Variants in CHCHD6 observed in about 807,000 individuals in gnomAD.
CHCHD6 encodes coiled-coil-helix-coiled-coil-helix domain containing 6, also known as MICOS complex subunit MIC25.
In CHCHD6, 28 loss-of-function variants were observed where a neutral mutation model predicts 32.3. The ratio of observed to expected loss-of-function variants is 0.87; its 90% CI spans 0.64 to 1.19. CHCHD6 has a LOEUF of 1.19. CHCHD6 is among the 50% of genes most tolerant of loss of function. CHCHD6 has a pLI of 0.00. For missense variants in CHCHD6, 333 were observed against 307.0 expected, an observed-to-expected ratio of 1.08 and a Z score of -0.63; for synonymous variants, 122 against 117.5, an observed-to-expected ratio of 1.04 and a Z score of -0.25.
intron 1 of CHCHD6, among the ~76,000 whole-genome samples, chr3:126,715,108 C>T (rs1291246550): frequency 6.6e-6 from 1 of 152,156 alleles, no homozygotes; most frequent in Non-Finnish European, 1.5e-5. Flanking sequence ...CTCCATAAAG[C>T]AGTCGGTGGA....
intron 2 of CHCHD6, 79 bp from the exon 3 acceptor site, chr3:126,730,482 A>C: frequency 8.4e-7 from 1 of 1,196,986 alleles, no homozygotes; most frequent in Non-Finnish European, 1.2e-6. Context: ...CATGGGGGTC[A>C]TTCCTCTCTG....
intron 5 of CHCHD6, among the ~76,000 whole-genome samples, chr3:126,887,539 T>C (rs2077695253): frequency 6.6e-6 from 1 of 152,132 alleles, no homozygotes; most frequent in South Asian, 2.1e-4. Context: ...AGCCCTGTAT[T>C]ATGGCCCAAG....
chr3:126,873,680 C>A (rs2077505698), intron 5 of CHCHD6, among the ~76,000 whole-genome samples: 1 of 152,226 alleles, frequency 6.6e-6, no homozygotes, highest in South Asian at 2.1e-4. Flanking sequence ...GATGGCTTCT[C>A]CCAGAGGTCT....
chr3:126,862,087 T>C (rs1576511371), intron 5 of CHCHD6, among the ~76,000 whole-genome samples: 1 of 48,268 alleles, frequency 2.1e-5, no homozygotes, highest in Non-Finnish European at 3.7e-5. Flanking sequence ...CACCTCCTCC[T>C]CCTCCACCAT....
intron 4 of CHCHD6, among the ~76,000 whole-genome samples, chr3:126,832,439 C>A (rs1940683997): frequency 6.6e-6 from 1 of 152,128 alleles, no homozygotes; most frequent in Non-Finnish European, 1.5e-5. Context: ...TCCATAACAT[C>A]CCACTCAGTG....
chr3:126,921,523 G>A (rs1191776040), intron 6 of CHCHD6, among the ~76,000 whole-genome samples: 5 of 152,140 alleles, frequency 3.3e-5, no homozygotes, highest in Non-Finnish European at 4.4e-5. Flanking sequence ...TGCTTCCCGT[G>A]GGATTCATTC....
At chr3:126,770,337 A>C (rs1278331071) in intron 4 of CHCHD6, among the ~76,000 whole-genome samples, 1 of 152,108 alleles carries the variant, frequency 6.6e-6, no homozygotes, top group Non-Finnish European at 1.5e-5. Context: ...CTTTTGTCTG[A>C]TTGCTCTGGC....
chr3:126,857,886 C>T (rs753764978), intron 5 of CHCHD6, among the ~76,000 whole-genome samples: 1 of 152,190 alleles, frequency 6.6e-6, no homozygotes, highest in Non-Finnish European at 1.5e-5. Context: ...TGTGGAAGAT[C>T]GATAGCCAGC....
At chr3:126,849,927 T>C (rs1336430362) in intron 4 of CHCHD6, among the ~76,000 whole-genome samples, 1 of 152,190 alleles carries the variant, frequency 6.6e-6, no homozygotes, top group South Asian at 2.1e-4. Flanking sequence ...CTCTCATGAG[T>C]GCTAGGAAGC....
intron 1 of CHCHD6, among the ~76,000 whole-genome samples, chr3:126,709,080 CTG>C (rs1934634870): frequency 6.6e-6 from 1 of 152,180 alleles, no homozygotes; most frequent in South Asian, 2.1e-4. Flanking sequence ...TACCCAAACA[CTG>C]TAAATTTTGT....
intron 4 of CHCHD6, among the ~76,000 whole-genome samples, chr3:126,850,509 G>A (rs551873894): frequency 7.2e-5 from 11 of 152,316 alleles, no homozygotes; most frequent in African/African-American, 2.6e-4. Context: ...AAAGCTTCAG[G>A]ATGAGCATCC....
chr3:126,765,842 A>G (rs899760541), intron 4 of CHCHD6, among the ~76,000 whole-genome samples: 1 of 152,214 alleles, frequency 6.6e-6, no homozygotes, highest in Non-Finnish European at 1.5e-5. Context: ...ATCCCCCTCC[A>G]GGGGGACACT....
At chr3:126,865,158 ACCT>A (rs1942242131) in intron 5 of CHCHD6, among the ~76,000 whole-genome samples, 1 of 75,134 alleles carries the variant, frequency 1.3e-5, no homozygotes. Flanking sequence ...CTTTTCCACC[ACCT>A]CCACTTCTTC....
At chr3:126,789,830 G>A (rs189505983) in intron 4 of CHCHD6, among the ~76,000 whole-genome samples, 23 of 151,928 alleles carry the variant, frequency 1.5e-4, no homozygotes, top group African/African-American at 2.7e-4. Context: ...TTACATTTAA[G>A]GTTAATATTG....
Position 126,773,637 on chromosome 3 carries a change from G to A in CHCHD6, c.411+40415G>A, listed in dbSNP as rs114549553. On this transcript the variant is annotated intron_variant, in intron 4 of 7. Coordinates refer to ENST00000290913, the MANE Select transcript of CHCHD6 (RefSeq NM_032343.3). Reference sequence around the variant, plus strand: ...TTTTTTTTTTTTTTTGAGACAGAGCGTCAGAGTCGCCTAGGCGAAGTGCAG... The same window carrying A: ...TTTTTTTTTTTTTTTGAGACAGAGCATCAGAGTCGCCTAGGCGAAGTGCAG... 1.0e-2 allele frequency among the ~76,000 whole-genome samples: 1,326 copies of A among 132,950 alleles called. 21 individuals carry two copies. Among genetic ancestry groups the A allele is most frequent in the African/African-American group, 0.036 (1,238 of 34,442 alleles). The allele number at this position is 132,950 out of a possible 152,430, so 87.2% of individuals were successfully genotyped here. A position where few individuals can be genotyped will look rare whatever the true frequency, so the allele number is the denominator to read the frequency against.
chr3:126,859,930 T>C (rs1941799901), intron 5 of CHCHD6, among the ~76,000 whole-genome samples: 1 of 152,174 alleles, frequency 6.6e-6, no homozygotes, highest in East Asian at 1.9e-4. Context: ...TGTCCTGCAT[T>C]GTCATGGAGA....
rs987086894 is a variant in CHCHD6 at position 126,800,680 on chromosome 3, A to G, written c.412-51967A>G. On this transcript the variant is annotated intron_variant, in intron 4 of 7. Transcript: ENST00000290913. The stretch of plus-strand genomic sequence containing the variant: ...TATCCCCCTGTGAGGATCAAATGAA[A>G]GGACTTTGGATGCTGGCACAGCAGG... Among the ~76,000 whole-genome samples the G allele has an allele frequency of 2.6e-5, 4 of 152,200 alleles. 1 individual carries two copies. The highest frequency in any genetic ancestry group is 4.4e-5 in the Non-Finnish European group (3 of 68,032).
intron 6 of CHCHD6, chr3:126,949,541 T>TGTACAGAGCCTTATCACCAATGGGAA (rs1559939111): frequency 7.2e-5 from 12 of 166,448 alleles, no homozygotes; most frequent in East Asian, 2.6e-4. Flanking sequence ...AAGGGAAGGC[T>TGTACAGAGCCTTATCACCAATGGGAA]GCTGCCCGGA....
At chr3:126,750,098 C>A (rs1371354387) in intron 4 of CHCHD6, among the ~76,000 whole-genome samples, 2 of 152,182 alleles carry the variant, frequency 1.3e-5, no homozygotes, top group African/African-American at 2.4e-5. Flanking sequence ...TCTCTCCATA[C>A]CTGGGCTTGA....
Sources: allele counts gnomAD v4.1 joint callset (sites outside exome capture counted in the v4.1 genomes callset), GRCh38; gene constraint gnomAD v4.1.1; transcripts MANE v1.5; gene names NCBI Gene and HGNC (gene_info 2026-07-23, HGNC 2026-07-21).